SDF2: variants seen among roughly 807,000 people sequenced by gnomAD.
The protein encoded by SDF2 is stromal cell derived factor 2.
Under a neutral mutation model 20.5 loss-of-function variants are expected in SDF2, and 12 were observed. That is an observed-to-expected ratio of 0.58 (90% CI 0.37 to 0.95). The LOEUF (loss-of-function observed/expected upper bound fraction) is 0.95, where lower values mean the gene tolerates loss of function less well. Among genes scored for constraint, SDF2 ranks in the 40% least tolerant of loss-of-function variants. The pLI is 0.01. For synonymous variants in SDF2, 100 were observed against 101.0 expected, an observed-to-expected ratio of 0.99 and a Z score of 0.06; for missense variants, 238 against 263.1, an observed-to-expected ratio of 0.90 and a Z score of 0.66.
In SDF2 at chr17:28,649,101, T is replaced by C; in HGVS notation, c.524A>G (p.Glu175Gly). The change falls in exon 3 of 3, where the codon GAG becomes GGG. Residue 175 changes from glutamate to glycine, a missense_variant. Transcript: ENST00000247020. ...ACTTGGCTGGGCCATGCCATGCACC[T>C]CTTTTTGCCCACTGATAGGTCGACC... ...QYGRPISGQK[E>G]VHGMAQPSQN... The C allele has an allele frequency of 6.2e-7, 1 of 1,614,220 alleles. No individual in the cohort carries two copies.
At chr17:28,649,606 T>G (rs2071895308) in intron 2 of SDF2, among the ~76,000 whole-genome samples, 1 of 151,820 alleles carries the variant, frequency 6.6e-6, no homozygotes. Flanking sequence ...TGGTGGCACA[T>G]GCCTGTAATC....
intron 2 of SDF2, chr17:28,651,571 A>G (rs1455855348): frequency 6.6e-6 from 1 of 152,234 alleles, no homozygotes; most frequent in Non-Finnish European, 1.5e-5. Flanking sequence ...ATCACCTTAC[A>G]GAGCAACTGT....
At chr17:28,655,586 A>G (rs2071954927) in intron 1 of SDF2, 103 bp from the exon 2 acceptor site, 1 of 960,882 alleles carries the variant, frequency 1.0e-6, no homozygotes, top group Admixed American at 2.3e-5. Context: ...CCTGTAACCC[A>G]CCACCATGAC....
At chr17:28,660,303 T>C (rs2072013641) in intron 1 of SDF2, among the ~76,000 whole-genome samples, 1 of 152,190 alleles carries the variant, frequency 6.6e-6, no homozygotes, top group Non-Finnish European at 1.5e-5. Context: ...TTGTTGAGGG[T>C]CAGGACAAAA....
Position 28,649,148 on chromosome 17 carries a change from C to T in SDF2, c.477G>A (p.Leu159=). ...RFKHSSTEVL[L]SVTGEQYGRP... ...GACCATATTGTTCTCCTGTGACAGA[C>T]AGCAGTACCTCAGTGGAAGAGTGTT... Residue 159 remains leucine, a synonymous_variant, in exon 3 of 3, where the codon CTG becomes CTA. Coordinates refer to ENST00000247020, the MANE Select transcript of SDF2 (RefSeq NM_006923.4). 6.2e-7 allele frequency: 1 copy of T among 1,614,222 alleles called. No individual in the cohort carries two copies.
rs1448072426 is a variant in SDF2 at position 28,661,769 on chromosome 17, G to T, written c.108C>A (p.Arg36=). The T allele has an allele frequency of 6.2e-7, 1 of 1,613,982 alleles. No homozygotes were observed. Among genetic ancestry groups the T allele is most frequent in the African/African-American group, 1.3e-5 (1 of 74,900 alleles). Reference sequence around the variant, plus strand: ...CGTGTGAGTGCAGTCGGACGTTGTGGCGCGTATTGAGTAGCTTCACCACGG... The same window carrying T: ...CGTGTGAGTGCAGTCGGACGTTGTGTCGCGTATTGAGTAGCTTCACCACGG... ...CGSVVKLLNT[R]HNVRLHSHDV... is the part of the protein sequence containing the mutation. Residue 36 remains arginine (R), a synonymous_variant, in exon 1 of 3, where the codon CGC becomes CGA. Coordinates refer to ENST00000247020, the MANE Select transcript of SDF2 (RefSeq NM_006923.4).
chr17:28,656,925 A>T (rs888949037), intron 1 of SDF2, among the ~76,000 whole-genome samples: 1 of 152,184 alleles, frequency 6.6e-6, no homozygotes, highest in Admixed American at 6.5e-5. Context: ...TAAGTGGTCA[A>T]TTATTATAAA....
chr17:28,662,158 A>G (rs2072061892), upstream of SDF2: 3 of 333,120 alleles, frequency 9.0e-6, no homozygotes, highest in East Asian at 1.6e-4. Context: ...AGAACAAGAA[A>G]TGGCCCGCCC....
At chr17:28,662,102 G>C, upstream of SDF2, 1 of 442,324 alleles carries the variant, frequency 2.3e-6, no homozygotes, top group South Asian at 4.1e-5. Flanking sequence ...AGCCGCTTCG[G>C]TTACCTTTCG....
chr17:28,650,416 T>A (rs1429093683), intron 2 of SDF2, among the ~76,000 whole-genome samples: 1 of 152,192 alleles, frequency 6.6e-6, no homozygotes, highest in Non-Finnish European at 1.5e-5. Flanking sequence ...ACACTTATTT[T>A]GCAATTAATA....
At chr17:28,654,498 A>G (rs985528751) in intron 2 of SDF2, among the ~76,000 whole-genome samples, 10 of 152,132 alleles carry the variant, frequency 6.6e-5, no homozygotes, top group Non-Finnish European at 1.3e-4. Flanking sequence ...CACTTTGACC[A>G]GAAACAATTT....
At chr17:28,655,705 C>G (rs940401697) in intron 1 of SDF2, 7 of 597,890 alleles carry the variant, frequency 1.2e-5, no homozygotes, top group Non-Finnish European at 1.8e-5. Context: ...GCAAAGCTGC[C>G]AAAGCCTTAG....
chr17:28,656,829 C>T (rs1047772114), intron 1 of SDF2, among the ~76,000 whole-genome samples: 2 of 152,144 alleles, frequency 1.3e-5, no homozygotes, highest in African/African-American at 4.8e-5. Context: ...TGTTCATTAA[C>T]TATTATGATA....
At chr17:28,658,723 G>A (rs1279856386) in intron 1 of SDF2, among the ~76,000 whole-genome samples, 5 of 151,160 alleles carry the variant, frequency 3.3e-5, no homozygotes, top group South Asian at 2.1e-4. Context: ...TTTTCTTTTC[G>A]ACAAAACCGC....
intron 1 of SDF2, among the ~76,000 whole-genome samples, chr17:28,659,349 C>A (rs1372854789): frequency 7.1e-6 from 1 of 140,284 alleles, no homozygotes; most frequent in African/African-American, 2.7e-5. Context: ...GCGCTCCCCA[C>A]TTCCCAGACG....
In SDF2 at chr17:28,648,958, G is replaced by T. The variant is rs375024020; in HGVS notation, c.*31C>A. 32 of 1,605,794 alleles carry T rather than the reference G, an allele frequency of 2.0e-5. No individual in the cohort carries two copies. The African/African-American group carries it at 3.9e-4, about 19-fold the overall frequency. On this transcript the variant is annotated 3_prime_UTR_variant, in exon 3 of 3. Coordinates refer to ENST00000247020, the MANE Select transcript of SDF2 (RefSeq NM_006923.4). The stretch of plus-strand genomic sequence containing the variant: ...GCAGCAACAGATGTCTGTGAACATT[G>T]TGCGTTAACAGTGGCTCAGAGCCTC...
At position 28,655,818 on chromosome 17, in the gene SDF2, T is replaced by G. The variant is rs1013613004; in HGVS notation, c.152-335A>C. 2.4e-5 allele frequency: 8 copies of G among 328,138 alleles called. No individual in the cohort carries two copies. In the South Asian group the frequency reaches 3.9e-4, roughly 16 times the overall value. 20.3% of individuals were successfully genotyped at this position (328,138 alleles called of 1,614,324 possible). On this transcript the variant is annotated intron_variant, in intron 1 of 2. Transcript: ENST00000247020. ...TGTGCCGAACACCAAATCAACCCAATTAAGGTTGATGACCTTAAGAAACCA... is the reference window on the plus strand; with the variant it reads ...TGTGCCGAACACCAAATCAACCCAAGTAAGGTTGATGACCTTAAGAAACCA...
intron 1 of SDF2, among the ~76,000 whole-genome samples, chr17:28,659,414 A>G (rs2072000428): frequency 7.0e-6 from 1 of 143,004 alleles, no homozygotes; most frequent in Non-Finnish European, 1.5e-5. Context: ...GGCCGGGCAG[A>G]GGCGCTCCTC....
chr17:28,658,949 G>A (rs1041230920), intron 1 of SDF2, among the ~76,000 whole-genome samples: 58 of 145,158 alleles, frequency 4.0e-4, no homozygotes, highest in Middle Eastern at 4.0e-3. Context: ...CTGGGTGGCC[G>A]GGCAGAGGCG....
Sources: gnomAD v4.1 joint callset for allele counts (sites outside exome capture counted in the v4.1 genomes callset) on GRCh38, gnomAD v4.1.1 for gene constraint, MANE v1.5 for transcripts, NCBI Gene and HGNC (gene_info 2026-07-23, HGNC 2026-07-21) for gene names.